The following ATP8A1 variants were observed in gnomAD, a reference collection of about 807,000 sequenced individuals.
The protein encoded by ATP8A1 is ATPase phospholipid transporting 8A1, also known as phospholipid-transporting ATPase IA.
Under a neutral mutation model 177.7 loss-of-function variants are expected in ATP8A1, and 90 were observed. The ratio of observed to expected loss-of-function variants is 0.51; its 90% confidence interval spans 0.43 to 0.60. The LOEUF is 0.60. Among genes scored for constraint, ATP8A1 ranks in the 20% least tolerant of loss-of-function variants. The probability of loss-of-function intolerance (pLI) is 0.00; values close to 1 mark genes in which losing one functional copy is unlikely to be tolerated. For missense variants in ATP8A1, 1,072 were observed against 1,392.8 expected (o/e 0.77, Z 3.67); for synonymous variants, 493 against 485.9 (o/e 1.01, Z -0.19).
intron 24 of ATP8A1, among the ~76,000 whole-genome samples, chr4:42,500,119 C>G (rs1723708684): frequency 1.3e-5 from 2 of 152,180 alleles, no homozygotes; most frequent in South Asian, 4.1e-4. Flanking sequence ...AATCCCAACA[C>G]TTTGGGAGGC....
At chr4:42,435,450 C>CAAAAAAA (rs11306070) in intron 33 of ATP8A1, among the ~76,000 whole-genome samples, 3 of 117,012 alleles carry the variant, frequency 2.6e-5, no homozygotes, top group African/African-American at 6.6e-5. Flanking sequence ...AAAAAAAAAA[C>CAAAAAAA]AAAAAAAAAA....
At position 42,495,992 on chromosome 4, in the gene ATP8A1, C is replaced by T. The variant is rs79713188; in HGVS notation, c.2151+7458G>A. ...CAATCTCCCAGAAGGGTCATGCCAT[C>T]TGACAAAGGTCAAGGGTCACAAAAT... is the stretch of plus-strand genomic sequence containing the variant. On this transcript the variant is annotated intron_variant, in intron 24 of 36. Transcript: ENST00000381668. Among the ~76,000 whole-genome samples the T allele has an allele frequency of 2.8e-3, 430 of 152,314 alleles. 2 individuals are homozygous for T. Among genetic ancestry groups the T allele is most frequent in the African/African-American group, 1.0e-2 (415 of 41,570 alleles).
chr4:42,632,431 T>G (rs934395496), intron 1 of ATP8A1, among the ~76,000 whole-genome samples: 1 of 152,210 alleles, frequency 6.6e-6, no homozygotes, highest in Non-Finnish European at 1.5e-5. Flanking sequence ...AATTATCCAG[T>G]ATTTGCTATG....
At chr4:42,537,561 A>G (rs574520932) in intron 20 of ATP8A1, among the ~76,000 whole-genome samples, 87 of 152,352 alleles carry the variant, frequency 5.7e-4, no homozygotes, top group African/African-American at 2.0e-3. Context: ...AAATGAATTC[A>G]GCAAAGTTTC....
intron 5 of ATP8A1, among the ~76,000 whole-genome samples, chr4:42,608,898 A>G (rs962637747): frequency 1.3e-5 from 2 of 151,958 alleles, no homozygotes; most frequent in Non-Finnish European, 2.9e-5. Context: ...CACTATATAG[A>G]CTCTTACTTC....
chr4:42,631,328 G>A (rs1040469014), intron 1 of ATP8A1, among the ~76,000 whole-genome samples: 1 of 152,206 alleles, frequency 6.6e-6, no homozygotes, highest in African/African-American at 2.4e-5. Flanking sequence ...GCCCAAGCCT[G>A]TAGGACTGAT....
chr4:42,496,751 T>C (rs1193557831), intron 24 of ATP8A1, among the ~76,000 whole-genome samples: 1 of 152,018 alleles, frequency 6.6e-6, no homozygotes, highest in Non-Finnish European at 1.5e-5. Context: ...TACACACATA[T>C]ACACACATAT....
chr4:42,527,658 G>A (rs1017582416), intron 20 of ATP8A1, among the ~76,000 whole-genome samples: 4 of 152,200 alleles, frequency 2.6e-5, no homozygotes, highest in African/African-American at 7.2e-5. Flanking sequence ...GTCCCTAGAC[G>A]TGAGGATGAG....
At chr4:42,518,057 AT>A (rs146554660) in intron 22 of ATP8A1, among the ~76,000 whole-genome samples, 1,525 of 152,214 alleles carry the variant, frequency 0.01, 24 homozygotes, top group African/African-American at 0.035. Flanking sequence ...CTATTTGGAT[AT>A]TTTTTTCAGC....
chr4:42,652,918 C>T (rs1044264547), intron 1 of ATP8A1, among the ~76,000 whole-genome samples: 6 of 141,776 alleles, frequency 4.2e-5, no homozygotes, highest in African/African-American at 1.5e-4. Context: ...ACACAATGAC[C>T]TTTGTGACCT....
chr4:42,606,761 A>G (rs963795336), intron 5 of ATP8A1, among the ~76,000 whole-genome samples: 4 of 152,172 alleles, frequency 2.6e-5, no homozygotes, highest in Admixed American at 2.6e-4. Context: ...TACCACAGCA[A>G]TGAAATATAT....
chr4:42,549,595 C>T (rs781534998), intron 18 of ATP8A1, among the ~76,000 whole-genome samples: 1 of 151,892 alleles, frequency 6.6e-6, no homozygotes, highest in Non-Finnish European at 1.5e-5. Flanking sequence ...TCAAGACCAG[C>T]CTTGGCAATA....
At chr4:42,578,553 A>G (rs116542313) in intron 11 of ATP8A1, among the ~76,000 whole-genome samples, 166 bp from the exon 12 acceptor site, 2,836 of 152,286 alleles carry the variant, frequency 0.019, 37 homozygotes, top group Middle Eastern at 0.048. Context: ...CCTTCAAGAT[A>G]GAATTGCATT....
At chr4:42,559,834 T>TG (rs1391980456) in intron 15 of ATP8A1, among the ~76,000 whole-genome samples, 1 of 152,200 alleles carries the variant, frequency 6.6e-6, no homozygotes, top group Non-Finnish European at 1.5e-5. Flanking sequence ...GCCTCCCAAG[T>TG]AGCTGGTATT....
chr4:42,521,094 G>A (rs970933367), intron 22 of ATP8A1, among the ~76,000 whole-genome samples: 1 of 152,210 alleles, frequency 6.6e-6, no homozygotes, highest in Non-Finnish European at 1.5e-5. Flanking sequence ...CAGTTCGATA[G>A]AGAGGAAAGA....
chr4:42,532,498 T>C (rs1162083360), intron 20 of ATP8A1, among the ~76,000 whole-genome samples: 2 of 151,642 alleles, frequency 1.3e-5, no homozygotes, highest in African/African-American at 4.8e-5. Flanking sequence ...AATAAATAAA[T>C]TGAAGGTGAC....
chr4:42,479,807 A>G (rs895245083), intron 25 of ATP8A1, among the ~76,000 whole-genome samples: 1 of 152,210 alleles, frequency 6.6e-6, no homozygotes, highest in Non-Finnish European at 1.5e-5. Context: ...AAATCAAGGT[A>G]GCAGTTATCT....
At chr4:42,593,059 C>A (rs555485318) in intron 6 of ATP8A1, among the ~76,000 whole-genome samples, 1 of 152,034 alleles carries the variant, frequency 6.6e-6, no homozygotes, top group African/African-American at 2.4e-5. Context: ...GGAATTTGAT[C>A]ATTTAATCCA....
At chr4:42,651,612 A>G (rs1741103491) in intron 1 of ATP8A1, among the ~76,000 whole-genome samples, 1 of 152,206 alleles carries the variant, frequency 6.6e-6, no homozygotes, top group Non-Finnish European at 1.5e-5. Context: ...TTGCCCTGCA[A>G]GTGGAAACCA....
Sources: allele counts gnomAD v4.1 joint callset (sites outside exome capture counted in the v4.1 genomes callset), GRCh38; gene constraint gnomAD v4.1.1; transcripts MANE v1.5; gene names NCBI Gene and HGNC (gene_info 2026-07-23, HGNC 2026-07-21).